KLHL3: variants seen among roughly 807,000 people sequenced by gnomAD.
KLHL3 encodes kelch-like protein 3.
In KLHL3, 19 loss-of-function variants were observed where a neutral mutation model predicts 70.5. The ratio of observed to expected loss-of-function variants is 0.27; its 90% CI spans 0.19 to 0.40. The LOEUF (loss-of-function observed/expected upper bound fraction) is 0.40, where lower values mean the gene tolerates loss of function less well. KLHL3 is among the 10% of genes least tolerant of loss of function. The pLI is 1.00. For missense variants in KLHL3, 512 were observed against 771.1 expected (o/e 0.66, Z 3.98); for synonymous variants, 258 against 290.3 (o/e 0.89, Z 1.13).
intron 3 of KLHL3, among the ~76,000 whole-genome samples, chr5:137,702,850 T>G (rs764515003): frequency 6.6e-6 from 1 of 152,110 alleles, no homozygotes; most frequent in East Asian, 1.9e-4. Flanking sequence ...GAGCAAGCAA[T>G]CCCAGAAGCC....
intron 8 of KLHL3, among the ~76,000 whole-genome samples, chr5:137,652,299 C>T (rs1751220867): frequency 6.6e-6 from 1 of 152,188 alleles, no homozygotes; most frequent in Non-Finnish European, 1.5e-5. Context: ...TATAATCCAG[C>T]AATCCCACTA....
At chr5:137,725,157 G>GA in intron 1 of KLHL3, 3 of 561,164 alleles carry the variant, frequency 5.3e-6, no homozygotes, top group Non-Finnish European at 6.8e-6. Flanking sequence ...TTCCAAATAA[G>GA]GCTAGTGGAT....
At chr5:137,647,423 C>A in intron 8 of KLHL3, 1 of 289,096 alleles carries the variant, frequency 3.5e-6, no homozygotes, top group Non-Finnish European at 7.3e-6. Context: ...AGATCAAGAC[C>A]CTAGCCCTGG....
chr5:137,697,306 G>A (rs1561610980), intron 4 of KLHL3, among the ~76,000 whole-genome samples: 1 of 152,054 alleles, frequency 6.6e-6, no homozygotes, highest in East Asian at 1.9e-4. Context: ...TGGAATTAAA[G>A]GCACCTGCCA....
Position 137,637,243 on chromosome 5 carries a change from A to G in KLHL3, c.1321+51T>C, listed in dbSNP as rs1175914932. The G allele has an allele frequency of 4.8e-6, 7 of 1,471,502 alleles. No homozygotes were observed. In the African/African-American group the frequency reaches 9.7e-5, roughly 20 times the overall value. The allele number at this position is 1,471,502 out of a possible 1,614,324, so 91.2% of individuals were successfully genotyped here. On this transcript the variant is annotated intron_variant, in intron 11 of 14. Transcript: ENST00000309755. Reference sequence around the variant, plus strand: ...CCAAGCATGATGCTGGACCCAGGACAAGGCCCGTGGGCCAGGTAGGCCTGG... The same window carrying G: ...CCAAGCATGATGCTGGACCCAGGACGAGGCCCGTGGGCCAGGTAGGCCTGG...
chr5:137,633,658 G>A lies in KLHL3; in HGVS notation c.1450+379C>T, dbSNP rs111761495. Among the ~76,000 whole-genome samples the A allele has an allele frequency of 8.7e-3, 1,318 of 152,286 alleles. 22 individuals are homozygous for A. Among genetic ancestry groups the A allele is most frequent in the African/African-American group, 0.03 (1,241 of 41,548 alleles). On this transcript the variant is annotated intron_variant, in intron 12 of 14. Transcript: ENST00000309755. ...AAAAAAGAGTGAAATCATGTCCTTTGCAGCAACATGGATGGAGCTGGAGGC... is the reference window on the plus strand; with the variant it reads ...AAAAAAGAGTGAAATCATGTCCTTTACAGCAACATGGATGGAGCTGGAGGC...
At chr5:137,623,637 A>G (rs1750379044) in intron 14 of KLHL3, among the ~76,000 whole-genome samples, 1 of 152,358 alleles carries the variant, frequency 6.6e-6, no homozygotes, top group African/African-American at 2.4e-5. Context: ...TCACACAAAG[A>G]AAACCACCAC....
chr5:137,680,546 CT>C (rs1170112144), intron 5 of KLHL3, among the ~76,000 whole-genome samples: 400 of 140,294 alleles, frequency 2.9e-3, no homozygotes, highest in Non-Finnish European at 2.7e-3. Flanking sequence ...AACACTTTTT[CT>C]TTTTTTTTTT....
chr5:137,633,203 C>G (rs549174678), intron 12 of KLHL3, among the ~76,000 whole-genome samples: 4 of 148,512 alleles, frequency 2.7e-5, no homozygotes, highest in African/African-American at 5.0e-5. Context: ...TGGCGGAACC[C>G]GGGAGGCGGA....
intron 6 of KLHL3, among the ~76,000 whole-genome samples, chr5:137,670,830 G>A (rs1018347821): frequency 6.6e-6 from 1 of 151,524 alleles, no homozygotes; most frequent in Non-Finnish European, 1.5e-5. Flanking sequence ...AAAAATAGCC[G>A]TAAGTGGTGG....
chr5:137,661,419 CGTTTTTACA>C (rs1751471311), intron 7 of KLHL3: 1 of 152,314 alleles, frequency 6.6e-6, no homozygotes, highest in South Asian at 2.1e-4. Context: ...TTCTAGGCAC[CGTTTTTACA>C]GTCTTGAATT....
At chr5:137,698,490 T>C (rs1752497656) in intron 3 of KLHL3, 82 bp from the exon 4 acceptor site, 1 of 1,538,712 alleles carries the variant, frequency 6.5e-7, no homozygotes, top group Admixed American at 1.8e-5. Context: ...CTGCCCTGTC[T>C]TGGAAACATA....
intron 5 of KLHL3, among the ~76,000 whole-genome samples, chr5:137,688,314 A>G (rs1210420486): frequency 2.0e-5 from 3 of 152,188 alleles, no homozygotes; most frequent in Non-Finnish European, 4.4e-5. Flanking sequence ...CAGCCTGAAG[A>G]TCATGCTGAC....
At chr5:137,682,080 A>G (rs1309948551) in intron 5 of KLHL3, among the ~76,000 whole-genome samples, 1 of 152,038 alleles carries the variant, frequency 6.6e-6, no homozygotes, top group Non-Finnish European at 1.5e-5. Flanking sequence ...GCCATTTCCT[A>G]ATACTAGCTA....
chr5:137,649,289 T>A (rs2149891070), intron 8 of KLHL3, among the ~76,000 whole-genome samples: 1 of 152,328 alleles, frequency 6.6e-6, no homozygotes, highest in Non-Finnish European at 1.5e-5. Context: ...GGGACATGGA[T>A]TTTGACATTA....
chr5:137,656,287 A>C (rs1041368740), intron 8 of KLHL3, among the ~76,000 whole-genome samples: 13 of 152,156 alleles, frequency 8.5e-5, no homozygotes, highest in Non-Finnish European at 1.2e-4. Context: ...GCATAAATAC[A>C]ATTAAACACC....
rs149914893 is a variant in KLHL3, at chr5:137,622,238, C to T, written c.1736-112G>A. Reference sequence around the variant, plus strand: ...GAGTCACAGCCAAGGGAAATGTGTGCAATTTTTATCCTAATATTGAAGTGG... The same window carrying T: ...GAGTCACAGCCAAGGGAAATGTGTGTAATTTTTATCCTAATATTGAAGTGG... On this transcript the variant is annotated intron_variant, in intron 14 of 14. Transcript: ENST00000309755. 5.9e-4 allele frequency: 748 copies of T among 1,258,542 alleles called. 3 individuals carry two copies. The African/African-American group carries it at 9.1e-3, about 15-fold the overall frequency. 78.0% of individuals were successfully genotyped at this position (1,258,542 alleles called of 1,614,324 possible). A position where few individuals can be genotyped will look rare whatever the true frequency, so the allele number is the denominator to read the frequency against.
rs762120711 is a variant in KLHL3, at chr5:137,709,739, A to T, written c.241+11T>A. 2 of 1,602,216 alleles carry T rather than the reference A, an allele frequency of 1.2e-6. No homozygotes were observed. Among genetic ancestry groups the T allele is most frequent in the African/African-American group, 2.7e-5 (2 of 74,602 alleles). On this transcript the variant is annotated intron_variant, in intron 3 of 14. Coordinates refer to ENST00000309755, the MANE Select transcript of KLHL3 (RefSeq NM_017415.3). ...CCATAACCATGGGTTAATGGTGGCCACTCACCATACCTGTGAACATCGCAC... is the reference window on the plus strand; with the variant it reads ...CCATAACCATGGGTTAATGGTGGCCTCTCACCATACCTGTGAACATCGCAC...
At chr5:137,631,069 CAAAA>C (rs70979549) in intron 12 of KLHL3, among the ~76,000 whole-genome samples, 133 of 105,748 alleles carry the variant, frequency 1.3e-3, no homozygotes, top group Middle Eastern at 5.3e-3. Context: ...TCCAAAAATA[CAAAA>C]AAAAAAAAAA....
Sources: allele counts gnomAD v4.1 joint callset (sites outside exome capture counted in the v4.1 genomes callset), GRCh38; gene constraint gnomAD v4.1.1; transcripts MANE v1.5; gene names NCBI Gene and HGNC (gene_info 2026-07-23, HGNC 2026-07-21).